The following GLIS1 variants were observed in gnomAD, a reference collection of about 807,000 sequenced individuals.
GLIS1 encodes the protein zinc finger protein GLIS1.
Under a neutral mutation model 63.8 loss-of-function variants are expected in GLIS1, and 24 were observed. The ratio of observed to expected loss-of-function variants is 0.38; its 90% CI spans 0.27 to 0.53. The LOEUF (loss-of-function observed/expected upper bound fraction) is 0.53. Among genes scored for constraint, GLIS1 ranks in the 20% least tolerant of loss-of-function variants. The pLI, the probability that GLIS1 is intolerant of heterozygous loss-of-function variation, is 0.85. For missense variants in GLIS1, 1,036 were observed against 1,074.1 expected (o/e 0.96, Z 0.50); for synonymous variants, 450 against 482.5 (o/e 0.93, Z 0.88).
At chr1:53,674,482 C>T (rs1457318013) in intron 2 of GLIS1, among the ~76,000 whole-genome samples, 3 of 152,092 alleles carry the variant, frequency 2.0e-5, no homozygotes, top group African/African-American at 7.2e-5. Context: ...TTCTCTGTGC[C>T]CTGGTTTCCA....
At chr1:53,676,532 G>A (rs1301003583) in intron 2 of GLIS1, among the ~76,000 whole-genome samples, 2 of 152,184 alleles carry the variant, frequency 1.3e-5, no homozygotes, top group Non-Finnish European at 2.9e-5. Flanking sequence ...TACTCCCTGA[G>A]GGCTAGTCCC....
At chr1:53,675,261 C>T (rs1360343786) in intron 2 of GLIS1, among the ~76,000 whole-genome samples, 1 of 152,214 alleles carries the variant, frequency 6.6e-6, no homozygotes, top group African/African-American at 2.4e-5. Flanking sequence ...TGTGCAGGCT[C>T]TGAGTCCTTG....
intron 6 of GLIS1, among the ~76,000 whole-genome samples, chr1:53,524,291 C>T (rs531341130): frequency 2.0e-5 from 3 of 152,380 alleles, no homozygotes; most frequent in African/African-American, 7.2e-5. Context: ...ACAGACCTTC[C>T]TGCTCCCACC....
rs1248491347 is a variant in GLIS1, at chr1:53,703,638, CT to C, written c.259+34167del. Among the ~76,000 whole-genome samples the C allele has an allele frequency of 7.3e-4, 83 of 113,876 alleles. 1 individual carries two copies. In the South Asian group the frequency reaches 0.025, roughly 34 times the overall value. The allele number at this position is 113,876 out of a possible 152,430, so 74.7% of individuals were successfully genotyped here. A position where few individuals can be genotyped will look rare whatever the true frequency, so the allele number is the denominator to read the frequency against. On this transcript the variant is annotated intron_variant, in intron 2 of 10. Coordinates refer to ENST00000628545, the MANE Select transcript of GLIS1 (RefSeq NM_001367484.1). ...AGGATGACAGAGTGAGACCCTGTCTCTAAAAAAAAAAAAAAAAAAAAAAGCA... is the reference window on the plus strand; with the variant it reads ...AGGATGACAGAGTGAGACCCTGTCTCAAAAAAAAAAAAAAAAAAAAAAGCA...
intron 3 of GLIS1, 86 bp downstream of exon 3, chr1:53,600,015 C>T: frequency 1.3e-6 from 1 of 747,950 alleles, no homozygotes; most frequent in Non-Finnish European, 1.8e-6. Context: ...ATGTGTCCCC[C>T]CAGCTAAAAA....
intron 10 of GLIS1, among the ~76,000 whole-genome samples, chr1:53,507,239 T>C (rs955803604): frequency 6.6e-6 from 1 of 152,168 alleles, no homozygotes; most frequent in Non-Finnish European, 1.5e-5. Flanking sequence ...ACTTAGTAAG[T>C]GCTCATTTCA....
rs552393216 is a variant in GLIS1, at chr1:53,533,728, G to A, written c.1321-3776C>T. ...TCCCAGACACGCCAGGGGCCTTGAG[G>A]GCCTATGGGATCTGCCTGCAGCTGG... On this transcript the variant is annotated intron_variant, in intron 4 of 10. Coordinates refer to ENST00000628545, the MANE Select transcript of GLIS1 (RefSeq NM_001367484.1). Among the ~76,000 whole-genome samples the A allele has an allele frequency of 2.6e-5, 4 of 151,138 alleles. No individual in the cohort carries two copies. In the South Asian group the frequency reaches 6.2e-4, roughly 24 times the overall value.
At chr1:53,708,806 C>A (rs1268584365) in intron 2 of GLIS1, among the ~76,000 whole-genome samples, 18 of 152,194 alleles carry the variant, frequency 1.2e-4, no homozygotes, top group Admixed American at 1.2e-3. Flanking sequence ...CGGAACACAG[C>A]ACACACTGGC....
At chr1:53,527,680 C>T (rs562366764) in intron 5 of GLIS1, among the ~76,000 whole-genome samples, 2 of 152,382 alleles carry the variant, frequency 1.3e-5, no homozygotes, top group Non-Finnish European at 2.9e-5. Flanking sequence ...AGGCCCTGCC[C>T]TGTGAGGGGC....
At position 53,652,620 on chromosome 1, in the gene GLIS1, G is replaced by C. The variant is rs552366102; in HGVS notation, c.260-52342C>G. On this transcript the variant is annotated intron_variant, in intron 2 of 10. Transcript: ENST00000628545. ...GAGTCCTCAGTGCCCAGCCAGGCTGGGAGCAGACCACAACTCAGTGAAGGT... is the reference window on the plus strand; with the variant it reads ...GAGTCCTCAGTGCCCAGCCAGGCTGCGAGCAGACCACAACTCAGTGAAGGT... Among the ~76,000 whole-genome samples, 11 of 152,276 alleles carry C rather than the reference G, an allele frequency of 7.2e-5. No homozygotes were observed. The East Asian group carries it at 2.1e-3, about 29-fold the overall frequency.
intron 2 of GLIS1, among the ~76,000 whole-genome samples, chr1:53,637,957 A>C (rs1645744630): frequency 6.6e-6 from 1 of 152,222 alleles, no homozygotes. Context: ...GAGGGCCATC[A>C]GTGCCAGGGG....
chr1:53,686,576 T>TG (rs1339493171), intron 2 of GLIS1, among the ~76,000 whole-genome samples: 3 of 151,820 alleles, frequency 2.0e-5, no homozygotes, highest in Non-Finnish European at 4.4e-5. Flanking sequence ...TCACAGACTG[T>TG]GGGGGGAGGC....
At chr1:53,508,900 G>A (rs897443354) in intron 10 of GLIS1, among the ~76,000 whole-genome samples, 6 of 152,218 alleles carry the variant, frequency 3.9e-5, no homozygotes, top group Admixed American at 6.5e-5. Flanking sequence ...CATAAGGCTC[G>A]CAAAGCTGTG....
At chr1:53,559,622 G>A (rs763266721) in intron 4 of GLIS1, among the ~76,000 whole-genome samples, 6 of 152,076 alleles carry the variant, frequency 3.9e-5, no homozygotes, top group Non-Finnish European at 7.4e-5. Context: ...GAGCCCAGCC[G>A]CTGCAATGCG....
rs574350396 is a variant in GLIS1, at chr1:53,672,407, A to G, written c.259+65399T>C. ...GGAGTTCCTCCGGGAATACTTTCTT[A>G]CCTTCCTATCTGTTAACTCCTACAC... On this transcript the variant is annotated intron_variant, in intron 2 of 10. Transcript: ENST00000628545. Among the ~76,000 whole-genome samples, 6 of 152,230 alleles carry G rather than the reference A, an allele frequency of 3.9e-5. No individual in the cohort carries two copies. The South Asian group carries it at 1.2e-3, about 32-fold the overall frequency.
chr1:53,623,459 T>C (rs920176682), intron 2 of GLIS1, among the ~76,000 whole-genome samples: 67 of 152,194 alleles, frequency 4.4e-4, no homozygotes, highest in Non-Finnish European at 5.9e-4. Flanking sequence ...AGGCTGAATG[T>C]TTCCCCCCAA....
chr1:53,581,491 G>A (rs1397472673), intron 4 of GLIS1, among the ~76,000 whole-genome samples: 2 of 152,146 alleles, frequency 1.3e-5, no homozygotes, highest in Non-Finnish European at 2.9e-5. Flanking sequence ...AACTGTTTGA[G>A]GCATTGGAGA....
chr1:53,507,581 C>T (rs1052568440), intron 10 of GLIS1, among the ~76,000 whole-genome samples: 18 of 152,368 alleles, frequency 1.2e-4, no homozygotes, highest in Admixed American at 5.9e-4. Flanking sequence ...CCTCAGTCTA[C>T]GCAGTGGGGT....
chr1:53,738,476 C>G (rs1646934562), intron 1 of GLIS1, among the ~76,000 whole-genome samples: 2 of 152,186 alleles, frequency 1.3e-5, no homozygotes, highest in South Asian at 4.1e-4. Flanking sequence ...ACGGAGCCGG[C>G]GGCAACGAGG....
Sources: gnomAD v4.1 joint callset for allele counts (sites outside exome capture counted in the v4.1 genomes callset) on GRCh38, gnomAD v4.1.1 for gene constraint, MANE v1.5 for transcripts, NCBI Gene and HGNC (gene_info 2026-07-23, HGNC 2026-07-21) for gene names.